The following AGBL4 variants were observed in gnomAD, a reference collection of about 807,000 sequenced individuals.
AGBL4 encodes the protein AGBL carboxypeptidase 4, also known as cytosolic carboxypeptidase 6.
In AGBL4, 58 loss-of-function variants were observed where a neutral mutation model predicts 66.4. That is an observed-to-expected ratio of 0.87 (90% CI 0.71 to 1.09). The LOEUF (loss-of-function observed/expected upper bound fraction) is 1.09, where lower values mean the gene tolerates loss of function less well. AGBL4 is among the 50% of genes least tolerant of loss of function. The pLI is 0.00. For missense variants in AGBL4, 579 were observed against 631.0 expected (o/e 0.92, Z 0.88); for synonymous variants, 234 against 222.9 (o/e 1.05, Z -0.44).
At chr1:48,999,063 T>G (rs1661212970) in intron 5 of AGBL4, among the ~76,000 whole-genome samples, 1 of 152,222 alleles carries the variant, frequency 6.6e-6, no homozygotes. Context: ...ATGAGAGATG[T>G]CTTTCAAGGT....
At chr1:48,548,360 T>A (rs183784419) in intron 11 of AGBL4, among the ~76,000 whole-genome samples, 100 of 152,200 alleles carry the variant, frequency 6.6e-4, no homozygotes, top group African/African-American at 2.4e-3. Context: ...ATCCTCCTCA[T>A]CTGAAACACA....
At chr1:49,880,333 G>C (rs1484786737) in intron 1 of AGBL4, among the ~76,000 whole-genome samples, 2 of 151,914 alleles carry the variant, frequency 1.3e-5, no homozygotes, top group African/African-American at 4.8e-5. Context: ...GTACAGATGG[G>C]TTTTCAGTGT....
rs781526817 is a variant in AGBL4, at chr1:49,947,020, C to A, written c.34+76743G>T. 5.9e-4 allele frequency among the ~76,000 whole-genome samples: 89 copies of A among 151,488 alleles called. 1 individual carries two copies. In the Middle Eastern group the frequency reaches 0.014, roughly 23 times the overall value. On this transcript the variant is annotated intron_variant, in intron 1 of 13. Coordinates refer to ENST00000371839, the MANE Select transcript of AGBL4 (RefSeq NM_032785.4). ...GCTTAAATCACGAAGAATTAGACAC[C>A]CTGAACAGACCAATAACAAGCAGAG...
intron 11 of AGBL4, among the ~76,000 whole-genome samples, chr1:48,555,223 A>T (rs1234949737): frequency 3.9e-5 from 6 of 152,106 alleles, no homozygotes; most frequent in Admixed American, 3.9e-4. Flanking sequence ...TCTTTATTAA[A>T]CAAGTTAGTC....
chr1:48,602,409 CTGT>C (rs746003469), intron 9 of AGBL4, among the ~76,000 whole-genome samples: 11 of 152,112 alleles, frequency 7.2e-5, no homozygotes, highest in East Asian at 1.9e-4. Flanking sequence ...TGCAGTATTC[CTGT>C]TGTTGTTGTT....
Position 49,605,092 on chromosome 1 carries a change from G to T in AGBL4, c.282+92221C>A, listed in dbSNP as rs778040892. ...TACATTACCTATTAGAAAATTGTGGGTCCAAAAGGTTAGGTAAATGACTTG... is the reference window on the plus strand; with the variant it reads ...TACATTACCTATTAGAAAATTGTGGTTCCAAAAGGTTAGGTAAATGACTTG... On this transcript the variant is annotated intron_variant, in intron 3 of 13. Coordinates refer to ENST00000371839, the MANE Select transcript of AGBL4 (RefSeq NM_032785.4). 4.0e-4 allele frequency among the ~76,000 whole-genome samples: 61 copies of T among 152,120 alleles called. 1 individual carries two copies. The highest frequency in any genetic ancestry group is 3.4e-3 in the Middle Eastern group (1 of 294).
intron 3 of AGBL4, among the ~76,000 whole-genome samples, chr1:49,294,525 C>G (rs564865155): frequency 4.6e-5 from 7 of 152,328 alleles, no homozygotes; most frequent in South Asian, 4.1e-4. Flanking sequence ...CTGATTCTCT[C>G]TGCCAACTGT....
intron 3 of AGBL4, among the ~76,000 whole-genome samples, chr1:49,520,892 C>T (rs1650205901): frequency 1.3e-5 from 2 of 151,508 alleles, no homozygotes; most frequent in African/African-American, 4.9e-5. Context: ...TCACTGCAAC[C>T]TTGTCTCCTG....
At chr1:49,040,521 T>C (rs1200504718) in intron 5 of AGBL4, among the ~76,000 whole-genome samples, 1 of 152,138 alleles carries the variant, frequency 6.6e-6, no homozygotes, top group African/African-American at 2.4e-5. Flanking sequence ...AGCAGCATTA[T>C]TCATAATAAG....
chr1:48,936,833 T>A (rs1655521017), intron 5 of AGBL4, among the ~76,000 whole-genome samples: 1 of 152,182 alleles, frequency 6.6e-6, no homozygotes, highest in Non-Finnish European at 1.5e-5. Flanking sequence ...TCAGGTTAAG[T>A]GACTTTCTCA....
Position 49,214,182 on chromosome 1 carries a change from C to T in AGBL4, c.377+31588G>A, listed in dbSNP as rs576642524. Among the ~76,000 whole-genome samples the T allele has an allele frequency of 5.9e-5, 9 of 152,054 alleles. No individual in the cohort carries two copies. In the South Asian group the frequency reaches 1.0e-3, roughly 18 times the overall value. On this transcript the variant is annotated intron_variant, in intron 4 of 13. Coordinates refer to ENST00000371839, the MANE Select transcript of AGBL4 (RefSeq NM_032785.4). ...GGTGTCTAGCCCATGGTAGGTAGGG[C>T]TTATAATTTATTTGGGAAATAATTT...
chr1:49,934,660 T>A (rs1282819526), intron 1 of AGBL4, among the ~76,000 whole-genome samples: 1 of 152,070 alleles, frequency 6.6e-6, no homozygotes, highest in Non-Finnish European at 1.5e-5. Context: ...CAAAAGTGGT[T>A]CTCAGACACT....
At chr1:49,257,482 G>C (rs984459315) in intron 3 of AGBL4, 6 of 152,798 alleles carry the variant, frequency 3.9e-5, no homozygotes, top group African/African-American at 1.4e-4. Flanking sequence ...AGCCAGGTGC[G>C]GGATATAATT....
At position 49,110,431 on chromosome 1, in the gene AGBL4, C is replaced by T. The variant is rs183830598; in HGVS notation, c.378-64631G>A. On this transcript the variant is annotated intron_variant, in intron 4 of 13. Coordinates refer to ENST00000371839, the MANE Select transcript of AGBL4 (RefSeq NM_032785.4). ...TTTTTTTCTCTAAAAAAAGTTCAGA[C>T]CTTCTTCTATTTATTGAAAACCATT... 3.8e-3 allele frequency among the ~76,000 whole-genome samples: 580 copies of T among 152,196 alleles called. 1 individual carries two copies. Among genetic ancestry groups the T allele is most frequent in the Non-Finnish European group, 4.7e-3 (317 of 68,018 alleles).
intron 4 of AGBL4, among the ~76,000 whole-genome samples, chr1:49,190,245 G>T (rs1487849085): frequency 6.6e-6 from 1 of 152,168 alleles, no homozygotes; most frequent in African/African-American, 2.4e-5. Context: ...GCTACAAAAG[G>T]CCTGTGAAAT....
At chr1:49,903,253 A>G (rs1386615435) in intron 1 of AGBL4, among the ~76,000 whole-genome samples, 1 of 152,200 alleles carries the variant, frequency 6.6e-6, no homozygotes, top group Non-Finnish European at 1.5e-5. Context: ...ACACAGAAAC[A>G]GAAAACCAAA....
At chr1:49,728,954 G>A (rs940063529) in intron 2 of AGBL4, among the ~76,000 whole-genome samples, 5 of 152,144 alleles carry the variant, frequency 3.3e-5, no homozygotes, top group Admixed American at 1.3e-4. Context: ...CAAATGCTTC[G>A]CCTATACACC....
At chr1:49,019,349 G>A (rs1380556256) in intron 5 of AGBL4, among the ~76,000 whole-genome samples, 1 of 152,146 alleles carries the variant, frequency 6.6e-6, no homozygotes, top group Non-Finnish European at 1.5e-5. Flanking sequence ...AGTAGGAGGA[G>A]GCCCCACCTC....
intron 5 of AGBL4, among the ~76,000 whole-genome samples, chr1:49,008,786 A>G (rs533703077): frequency 1.3e-5 from 2 of 150,016 alleles, no homozygotes; most frequent in African/African-American, 4.9e-5. Context: ...TACTGGGTAC[A>G]TAACGAAATG....
Sources: gnomAD v4.1 joint callset for allele counts (sites outside exome capture counted in the v4.1 genomes callset) on GRCh38, gnomAD v4.1.1 for gene constraint, MANE v1.5 for transcripts, NCBI Gene and HGNC (gene_info 2026-07-23, HGNC 2026-07-21) for gene names.